RALGPS2: variants seen among roughly 807,000 people sequenced by gnomAD.
RALGPS2 encodes ras-specific guanine nucleotide-releasing factor RalGPS2.
Under a neutral mutation model 86.8 loss-of-function variants are expected in RALGPS2, and 43 were observed. The ratio of observed to expected loss-of-function variants is 0.50; its 90% CI spans 0.39 to 0.64. RALGPS2 has a LOEUF of 0.64. Ranked by LOEUF, RALGPS2 falls within the 30% of genes least tolerant of loss-of-function variation. The pLI, the probability that RALGPS2 is intolerant of heterozygous loss-of-function variation, is 0.00. For synonymous variants in RALGPS2, 243 were observed against 231.3 expected (o/e 1.05, Z -0.46); for missense variants, 536 against 694.6 (o/e 0.77, Z 2.57).
chr1:178,851,464 A>C, intron 8 of RALGPS2: 2 of 652,628 alleles, frequency 3.1e-6, no homozygotes, highest in Non-Finnish European at 4.8e-6. Context: ...GCCTTCACTT[A>C]CTTGATGGCT....
chr1:178,732,078 A>T (rs1650400165), intron 1 of RALGPS2, among the ~76,000 whole-genome samples: 1 of 151,998 alleles, frequency 6.6e-6, no homozygotes, highest in African/African-American at 2.4e-5. Flanking sequence ...CGTTCTCATG[A>T]GTGTTTCAAT....
intron 19 of RALGPS2, among the ~76,000 whole-genome samples, chr1:178,912,267 T>C (rs1171097327): frequency 6.6e-6 from 1 of 152,216 alleles, no homozygotes; most frequent in Non-Finnish European, 1.5e-5. Flanking sequence ...CATTGTATAG[T>C]TGCTTTATAG....
intron 10 of RALGPS2, chr1:178,879,309 C>T (rs1659131265): frequency 5.3e-6 from 1 of 188,932 alleles, no homozygotes; most frequent in African/African-American, 2.3e-5. Context: ...TTTTAATAGA[C>T]AGAAAAATTA....
chr1:178,826,137 A>G (rs1278599474), intron 7 of RALGPS2, among the ~76,000 whole-genome samples: 1 of 152,206 alleles, frequency 6.6e-6, no homozygotes, highest in South Asian at 2.1e-4. Flanking sequence ...GATAAAGGGA[A>G]TGTACCAAAA....
At chr1:178,875,330 A>G (rs1486030878) in intron 8 of RALGPS2, among the ~76,000 whole-genome samples, 1 of 152,250 alleles carries the variant, frequency 6.6e-6, no homozygotes, top group Admixed American at 6.5e-5. Flanking sequence ...AAAGAAGTGT[A>G]CTATTGTATG....
At chr1:178,838,641 G>C (rs1009408104) in intron 8 of RALGPS2, among the ~76,000 whole-genome samples, 5 of 152,180 alleles carry the variant, frequency 3.3e-5, no homozygotes, top group African/African-American at 1.2e-4. Context: ...ATGCTTGCCA[G>C]CAACAGAACA....
At chr1:178,754,040 T>A (rs1357029086) in intron 1 of RALGPS2, among the ~76,000 whole-genome samples, 3 of 151,962 alleles carry the variant, frequency 2.0e-5, no homozygotes, top group Non-Finnish European at 4.4e-5. Context: ...GCCAGTATGG[T>A]CTTGATATCC....
intron 7 of RALGPS2, among the ~76,000 whole-genome samples, chr1:178,827,605 C>T (rs1024378977): frequency 3.3e-5 from 5 of 151,824 alleles, no homozygotes; most frequent in African/African-American, 4.8e-5. Context: ...CCATTTTAGC[C>T]GGGATGGTCT....
At chr1:178,726,610 C>T (rs1650024879) in intron 1 of RALGPS2, among the ~76,000 whole-genome samples, 1 of 151,864 alleles carries the variant, frequency 6.6e-6, no homozygotes, top group Non-Finnish European at 1.5e-5. Context: ...AGTGGAATCA[C>T]ACAAGCAGCA....
At position 178,886,105 on chromosome 1, in the gene RALGPS2, A is replaced by C. The variant is rs1452681128; in HGVS notation, c.1177A>C (p.Ser393Arg). ...RGQAESSTLS[S>R]GISIGSSDGS... is the part of the protein sequence containing the mutation. ...CCAAGCTGAAAGTTCTACTCTTTCTAGTGGAATATCAATAGGTGAGAAATA... is the reference window on the plus strand; with the variant it reads ...CCAAGCTGAAAGTTCTACTCTTTCTCGTGGAATATCAATAGGTGAGAAATA... Residue 393 changes from serine to arginine, a missense_variant, in exon 13 of 20, where the codon AGT (serine) becomes CGT (arginine). Physicochemically the swap from Ser to Arg is moderately radical, Grantham distance 110 (BLOSUM62 -1). Around this residue, in one of 3 missense-constraint regions of RALGPS2, gnomAD observed 309 missense variants for 363.0 expected, o/e 0.85. Transcript: ENST00000367635. 6.2e-7 allele frequency: 1 copy of C among 1,611,820 alleles called. No individual in the cohort carries two copies. The highest frequency in any genetic ancestry group is 8.5e-7 in the Non-Finnish European group (1 of 1,179,428).
chr1:178,756,831 C>T (rs1399442317), intron 1 of RALGPS2, among the ~76,000 whole-genome samples: 1 of 151,996 alleles, frequency 6.6e-6, no homozygotes, highest in Non-Finnish European at 1.5e-5. Context: ...TGTGTTTTTG[C>T]CAGGTTTTGG....
intron 7 of RALGPS2, among the ~76,000 whole-genome samples, chr1:178,829,403 T>C (rs1655907567): frequency 6.6e-6 from 1 of 152,090 alleles, no homozygotes; most frequent in African/African-American, 2.4e-5. Flanking sequence ...CGGCATGAGG[T>C]CCATCTCCTG....
chr1:178,746,748 G>A, intron 1 of RALGPS2: 2 of 797,314 alleles, frequency 2.5e-6, no homozygotes, highest in Non-Finnish European at 4.6e-6. Context: ...TATTTCATCT[G>A]CTGCACCTTC....
chr1:178,810,849 C>G (rs1654942414), intron 5 of RALGPS2, among the ~76,000 whole-genome samples: 1 of 151,814 alleles, frequency 6.6e-6, no homozygotes, highest in Non-Finnish European at 1.5e-5. Context: ...AGTGCTTTGA[C>G]TTTTTTTCAT....
intron 6 of RALGPS2, among the ~76,000 whole-genome samples, chr1:178,820,971 TA>T (rs1174885257): frequency 6.6e-6 from 1 of 152,170 alleles, no homozygotes. Flanking sequence ...AGGCAGTATT[TA>T]AAAATCTGGG....
At chr1:178,818,531 A>C (rs570936535) in intron 6 of RALGPS2, among the ~76,000 whole-genome samples, 1 of 152,218 alleles carries the variant, frequency 6.6e-6, no homozygotes, top group Admixed American at 6.5e-5. Context: ...GGACCCTGGG[A>C]TCTAAGTCCC....
chr1:178,893,151 T>A (rs1659787250), intron 15 of RALGPS2, among the ~76,000 whole-genome samples: 1 of 152,098 alleles, frequency 6.6e-6, no homozygotes, highest in Admixed American at 6.6e-5. Flanking sequence ...AGCATGTATG[T>A]TTTATTGGCT....
intron 8 of RALGPS2, among the ~76,000 whole-genome samples, chr1:178,871,768 G>A (rs1658772712): frequency 1.3e-5 from 2 of 152,102 alleles, no homozygotes; most frequent in African/African-American, 4.8e-5. Flanking sequence ...ATTAATTGAT[G>A]TGGTGTGGTT....
chr1:178,759,903 C>T (rs1005757895), intron 1 of RALGPS2, among the ~76,000 whole-genome samples: 6 of 152,098 alleles, frequency 3.9e-5, no homozygotes, highest in Non-Finnish European at 7.4e-5. Context: ...TGTTAGCATA[C>T]AGAAATGCTA....
Sources: allele counts gnomAD v4.1 joint callset (sites outside exome capture counted in the v4.1 genomes callset), GRCh38; gene constraint gnomAD v4.1.1; regional missense constraint gnomAD v4.1.1; transcripts MANE v1.5; gene names NCBI Gene and HGNC (gene_info 2026-07-23, HGNC 2026-07-21).